The following DMD variants were observed in gnomAD, a reference collection of about 807,000 sequenced individuals.
DMD encodes mutant dystrophin.
A neutral mutation model predicts 330.1 loss-of-function variants in DMD; 63 were observed. That is an observed-to-expected ratio of 0.19 (90% CI 0.16 to 0.24). The LOEUF (loss-of-function observed/expected upper bound fraction) is 0.24, where lower values mean the gene tolerates loss of function less well. DMD is among the 10% of genes least tolerant of loss of function. The pLI, the probability that DMD is intolerant of heterozygous loss-of-function variation, is 1.00. For synonymous variants in DMD, 1,223 were observed against 959.8 expected (o/e 1.27, Z -5.07); for missense variants, 3,344 against 2,684.1 (o/e 1.25, Z -5.43).
chrX:33,046,247 C>A (rs1401670790), intron 1 of DMD, among the ~76,000 whole-genome samples: 2 of 35,269 alleles, frequency 5.7e-5, no homozygotes, highest in Non-Finnish European at 1.1e-4. Context: ...TATTAAGAAA[C>A]CTGTTAAATT....
chrX:32,167,790 C>G (rs2096873480), intron 44 of DMD, among the ~76,000 whole-genome samples: 1 of 111,820 alleles, frequency 8.9e-6, no homozygotes, highest in Non-Finnish European at 1.9e-5. Flanking sequence ...TTACCTTCCT[C>G]CCATTACCTT....
At chrX:32,667,381 T>A (rs1278159150) in intron 9 of DMD, among the ~76,000 whole-genome samples, 3 of 112,187 alleles carry the variant, frequency 2.7e-5, no homozygotes, top group Non-Finnish European at 3.8e-5. Flanking sequence ...AAAAAAAGTT[T>A]GTTCCAAATT....
In DMD at chrX:32,292,302, C is replaced by CTTTTTTTTTTTTTTTTTTTTTTTTT; in HGVS notation, c.6118-4602_6118-4601insAAAAAAAAAAAAAAAAAAAAAAAAA. ...AACAAATATCAACAAAGGGAATATT[C>CTTTTTTTTTTTTTTTTTTTTTTTTT]TTTTTTTTTTTTTTTTGAGATGGAG... On this transcript the variant is annotated intron_variant, in intron 42 of 78. Transcript: ENST00000357033. Among the ~76,000 whole-genome samples, 94 of 62,899 alleles carry CTTTTTTTTTTTTTTTTTTTTTTTTT rather than the reference C, an allele frequency of 1.5e-3. 20 individuals carry two copies. Among genetic ancestry groups the CTTTTTTTTTTTTTTTTTTTTTTTTT allele is most frequent in the South Asian group, 2.2e-3 (2 of 930 alleles). The allele number at this position is 62,899 out of a possible 115,157, so 54.6% of individuals were successfully genotyped here. A position where few individuals can be genotyped will look rare whatever the true frequency, so the allele number is the denominator to read the frequency against.
intron 59 of DMD, among the ~76,000 whole-genome samples, chrX:31,466,013 C>T (rs2066832043): frequency 8.9e-6 from 1 of 112,022 alleles, no homozygotes; most frequent in Non-Finnish European, 1.9e-5. Flanking sequence ...ATATCCTTTG[C>T]CCAATTTTTG....
intron 7 of DMD, among the ~76,000 whole-genome samples, chrX:32,728,367 A>T (rs1235352538): frequency 8.9e-6 from 1 of 111,789 alleles, no homozygotes; most frequent in Non-Finnish European, 1.9e-5. Flanking sequence ...AATATTTTTA[A>T]ATGATCACCA....
intron 11 of DMD, among the ~76,000 whole-genome samples, chrX:32,620,769 A>G: frequency 8.9e-6 from 1 of 111,881 alleles, no homozygotes; most frequent in Non-Finnish European, 1.9e-5. Flanking sequence ...CTTAGAGACT[A>G]TTAGAGACAT....
chrX:31,858,835 C>T (rs887687726), intron 48 of DMD, among the ~76,000 whole-genome samples: 3 of 111,013 alleles, frequency 2.7e-5, no homozygotes, highest in South Asian at 7.6e-4. Context: ...AGAGTTCTAC[C>T]TGTAAACACC....
chrX:31,335,066 CTT>C (rs2057346486), intron 61 of DMD, among the ~76,000 whole-genome samples: 1 of 112,092 alleles, frequency 8.9e-6, no homozygotes, highest in Admixed American at 9.5e-5. Context: ...CTGCTTTATT[CTT>C]TGTTTTTAAA....
intron 50 of DMD, among the ~76,000 whole-genome samples, chrX:31,785,609 C>T (rs2091255866): frequency 9.1e-6 from 1 of 110,176 alleles, no homozygotes; most frequent in South Asian, 3.9e-4. Context: ...CCCTCTGCCC[C>T]CCAATCCCCC....
intron 47 of DMD, among the ~76,000 whole-genome samples, chrX:31,882,845 A>T (rs1370002574): frequency 1.8e-5 from 2 of 112,108 alleles, no homozygotes; most frequent in Non-Finnish European, 3.8e-5. Context: ...CTCTTGATGA[A>T]TATGTGGATC....
chrX:32,626,201 T>G (rs1182559332), intron 11 of DMD, among the ~76,000 whole-genome samples: 1 of 112,195 alleles, frequency 8.9e-6, no homozygotes, highest in African/African-American at 3.2e-5. Context: ...CTGGGCACAG[T>G]GGCTCAGGCC....
chrX:31,713,896 T>C (rs980917748), intron 52 of DMD, among the ~76,000 whole-genome samples: 1 of 111,908 alleles, frequency 8.9e-6, no homozygotes, highest in Non-Finnish European at 1.9e-5. Context: ...ATAATTTAAA[T>C]ACTAATGCAA....
chrX:31,351,725 CA>C (rs3061693), intron 60 of DMD, among the ~76,000 whole-genome samples: 728 of 52,944 alleles, frequency 0.014, 15 homozygotes, highest in African/African-American at 0.054. Flanking sequence ...GACTCCATCT[CA>C]AAAAAAAAAA....
chrX:31,254,532 T>C (rs150597346), intron 63 of DMD, among the ~76,000 whole-genome samples: 3,509 of 110,320 alleles, frequency 0.032, 165 homozygotes, highest in African/African-American at 0.11. Context: ...AATTTTTGTA[T>C]TTTTTGTAGA....
At chrX:31,876,903 T>C (rs2093976954) in intron 47 of DMD, among the ~76,000 whole-genome samples, 1 of 111,031 alleles carries the variant, frequency 9.0e-6, no homozygotes, top group African/African-American at 3.3e-5. Flanking sequence ...TAAAATTTTA[T>C]AATATACATC....
At chrX:32,802,948 C>A (rs1009543776) in intron 7 of DMD, among the ~76,000 whole-genome samples, 1 of 111,323 alleles carries the variant, frequency 9.0e-6, no homozygotes, top group Admixed American at 9.5e-5. Context: ...TGTGTCTCTG[C>A]CAGGTTTTGG....
intron 64 of DMD, among the ~76,000 whole-genome samples, chrX:31,212,166 ATGTGTGTG>A (rs1163798688): frequency 1.1e-3 from 93 of 85,117 alleles, no homozygotes; most frequent in African/African-American, 2.9e-3. Context: ...ATATATATAT[ATGTGTGTG>A]TGTATGTGTG....
chrX:33,163,552 G>GTGTATATATATATATACATATA (rs1247410085), intron 1 of DMD, among the ~76,000 whole-genome samples: 3 of 91,028 alleles, frequency 3.3e-5, no homozygotes, highest in African/African-American at 1.2e-4. Flanking sequence ...ATATATGTGT[G>GTGTATATATATATATACATATA]TATATATATA....
At chrX:32,617,129 T>C (rs776448555) in intron 11 of DMD, among the ~76,000 whole-genome samples, 1 of 110,638 alleles carries the variant, frequency 9.0e-6, no homozygotes, top group African/African-American at 3.3e-5. Context: ...GTTCACCCAA[T>C]ACAATGCGGG....
Sources: allele counts gnomAD v4.1 joint callset (sites outside exome capture counted in the v4.1 genomes callset), GRCh38; gene constraint gnomAD v4.1.1; transcripts MANE v1.5; gene names NCBI Gene and HGNC (gene_info 2026-07-23, HGNC 2026-07-21).